MMP20: variants seen among roughly 807,000 people sequenced by gnomAD.
The protein encoded by MMP20 is matrix metallopeptidase 20.
A neutral mutation model predicts 51.8 loss-of-function variants in MMP20; 50 were observed. That is an observed-to-expected ratio of 0.97 (90% CI 0.77 to 1.22). The LOEUF is 1.22. MMP20 is among the 50% of genes most tolerant of loss of function. MMP20 has a pLI of 0.00. For synonymous variants in MMP20, 244 were observed against 216.2 expected, an observed-to-expected ratio of 1.13 and a Z score of -1.13; for missense variants, 663 against 601.4, an observed-to-expected ratio of 1.10 and a Z score of -1.07.
At chr11:102,593,852 T>C (rs916914297) in intron 7 of MMP20, among the ~76,000 whole-genome samples, 3 of 152,254 alleles carry the variant, frequency 2.0e-5, no homozygotes, top group Non-Finnish European at 4.4e-5. Context: ...TAACATACTA[T>C]GTCTTTCAAG....
intron 2 of MMP20, 120 bp downstream of exon 2, chr11:102,616,692 C>G: frequency 7.6e-7 from 1 of 1,321,608 alleles, no homozygotes; most frequent in East Asian, 2.5e-5. Context: ...AGTTCTTATT[C>G]TTATGGTTGT....
At chr11:102,596,921 C>T (rs987521719) in intron 6 of MMP20, among the ~76,000 whole-genome samples, 15 of 152,188 alleles carry the variant, frequency 9.9e-5, no homozygotes, top group Non-Finnish European at 1.6e-4. Context: ...TCCAGAATCC[C>T]GCAACTACTT....
chr11:102,593,519 C>T lies in MMP20; in HGVS notation c.1167G>A (p.Arg389=), dbSNP rs753538852. The T allele has an allele frequency of 6.2e-7, 1 of 1,614,164 alleles. No homozygotes were observed. Among genetic ancestry groups the T allele is most frequent in the Non-Finnish European group, 8.5e-7 (1 of 1,179,996 alleles). Residue 389 remains arginine (R), a synonymous_variant, in exon 8 of 10, where the codon AGG becomes AGA. Transcript: ENST00000260228. Reference sequence around the variant, plus strand: ...CAGCAGCATCTATTTGCTGCACGTGCCTTGGAAATCCAAAGTCATAAATAG... The same window carrying T: ...CAGCAGCATCTATTTGCTGCACGTGTCTTGGAAATCCAAAGTCATAAATAG... ...PRTIYDFGFP[R]HVQQIDAAVY... is the part of the protein sequence containing the mutation.
chr11:102,580,678 C>T (rs1859181947), intron 8 of MMP20, among the ~76,000 whole-genome samples: 1 of 147,164 alleles, frequency 6.8e-6, no homozygotes, highest in East Asian at 1.9e-4. Flanking sequence ...ATGCAGGGGC[C>T]TGCATAACAA....
Position 102,608,936 on chromosome 11 carries a change from C to T in MMP20, c.811+1G>A, listed in dbSNP as rs1859555807. On this transcript the variant is annotated splice_donor_variant, in intron 5 of 9. Coordinates refer to ENST00000260228, the MANE Select transcript of MMP20 (RefSeq NM_004771.4). LOFTEE classifies it high-confidence loss of function. ...GTCATCAAAGAAGGTAATAATCTTA[C>T]CGTATAATGCCTGGATCCCTTTCAC... The T allele has an allele frequency of 6.2e-7, 1 of 1,613,940 alleles. No individual in the cohort carries two copies. The highest frequency in any genetic ancestry group is 8.5e-7 in the Non-Finnish European group (1 of 1,179,862).
At chr11:102,611,603 G>T (rs1251723449) in intron 3 of MMP20, 152 bp downstream of exon 3, 6 of 868,414 alleles carry the variant, frequency 6.9e-6, no homozygotes, top group Non-Finnish European at 7.3e-6. Context: ...CTGGCCAGAT[G>T]AAGATCATGG....
intron 1 of MMP20, 99 bp from the exon 2 acceptor site, chr11:102,617,158 G>C: frequency 7.2e-7 from 1 of 1,392,176 alleles, no homozygotes; most frequent in South Asian, 1.2e-5. Context: ...ATTAAAAGCA[G>C]TGTGTAGAGT....
chr11:102,588,548 A>C (rs912979049), intron 8 of MMP20, among the ~76,000 whole-genome samples: 11 of 152,180 alleles, frequency 7.2e-5, no homozygotes, highest in African/African-American at 1.2e-4. Context: ...TCTACATGTC[A>C]TAGCCTTAAC....
intron 8 of MMP20, among the ~76,000 whole-genome samples, chr11:102,590,885 C>T (rs902351542): frequency 6.6e-6 from 1 of 152,132 alleles, no homozygotes; most frequent in Non-Finnish European, 1.5e-5. Context: ...GAGGCAACCA[C>T]GAGAATGCAA....
At chr11:102,617,195 C>T (rs1859686015) in intron 1 of MMP20, 136 bp from the exon 2 acceptor site, 18 of 1,090,548 alleles carry the variant, frequency 1.7e-5, no homozygotes, top group Non-Finnish European at 2.2e-5. Flanking sequence ...AAAAAGTAGA[C>T]ATATTTGTTT....
chr11:102,605,933 T>C (rs1859509117), intron 6 of MMP20, among the ~76,000 whole-genome samples: 1 of 152,144 alleles, frequency 6.6e-6, no homozygotes, highest in Admixed American at 6.5e-5. Context: ...ATCTGCCTTC[T>C]CTGTGAAAGG....
chr11:102,590,835 G>C (rs998158245), intron 8 of MMP20, among the ~76,000 whole-genome samples: 3 of 151,990 alleles, frequency 2.0e-5, no homozygotes, highest in African/African-American at 4.8e-5. Flanking sequence ...TCTACAGTAG[G>C]GACATAATGA....
intron 9 of MMP20, among the ~76,000 whole-genome samples, chr11:102,578,386 C>T (rs989124616): frequency 3.3e-5 from 5 of 152,200 alleles, no homozygotes; most frequent in Non-Finnish European, 7.3e-5. Context: ...ATCCTACCAC[C>T]TCATCCTCCC....
intron 8 of MMP20, among the ~76,000 whole-genome samples, chr11:102,590,467 A>C (rs1183410301): frequency 1.3e-5 from 2 of 152,190 alleles, no homozygotes; most frequent in African/African-American, 4.8e-5. Context: ...AGCCTAATCC[A>C]ACCTGGCCCC....
intron 6 of MMP20, among the ~76,000 whole-genome samples, chr11:102,596,368 C>T (rs191202045): frequency 6.6e-6 from 1 of 152,288 alleles, no homozygotes; most frequent in East Asian, 1.9e-4. Context: ...AGTTTTAACT[C>T]CACTGCTGAC....
intron 8 of MMP20, 86 bp from the exon 9 acceptor site, chr11:102,579,228 A>T: frequency 5.0e-6 from 4 of 807,970 alleles, no homozygotes; most frequent in South Asian, 4.4e-5. Flanking sequence ...GCATATGGAC[A>T]CATAACTTAT....
At chr11:102,603,764 T>C (rs983687257) in intron 6 of MMP20, among the ~76,000 whole-genome samples, 16 of 152,288 alleles carry the variant, frequency 1.1e-4, no homozygotes, top group African/African-American at 3.8e-4. Flanking sequence ...TCATCTGCCC[T>C]ACCCCAGTAG....
At chr11:102,583,868 A>G (rs971725754) in intron 8 of MMP20, among the ~76,000 whole-genome samples, 6 of 152,216 alleles carry the variant, frequency 3.9e-5, no homozygotes, top group Admixed American at 3.3e-4. Context: ...TATTATGGAC[A>G]TTTTATACAA....
At chr11:102,604,487 T>C (rs528826393) in intron 6 of MMP20, among the ~76,000 whole-genome samples, 1 of 152,346 alleles carries the variant, frequency 6.6e-6, no homozygotes, top group East Asian at 1.9e-4. Flanking sequence ...TAAATATTTT[T>C]TGATTCCCAC....
Sources: allele counts gnomAD v4.1 joint callset (sites outside exome capture counted in the v4.1 genomes callset), GRCh38; gene constraint gnomAD v4.1.1; transcripts MANE v1.5; gene names NCBI Gene and HGNC (gene_info 2026-07-23, HGNC 2026-07-21).